The following STK32B variants were observed in gnomAD, a reference collection of about 807,000 sequenced individuals.
STK32B encodes the protein serine/threonine-protein kinase 32B.
STK32B carries 43 observed loss-of-function variants against 52.6 expected under a neutral mutation model. The observed-to-expected ratio is 0.82, with a 90% CI of 0.64 to 1.05. The LOEUF (loss-of-function observed/expected upper bound fraction) is 1.05. Ranked by LOEUF, STK32B falls within the 50% of genes least tolerant of loss-of-function variation. STK32B has a pLI of 0.00. For missense variants in STK32B, 621 were observed against 534.6 expected (o/e 1.16, Z -1.59); for synonymous variants, 238 against 204.3 (o/e 1.17, Z -1.41).
Position 5,294,992 on chromosome 4 carries a change from G to A in STK32B, c.261-36228G>A, listed in dbSNP as rs116973346. 9.1e-3 allele frequency among the ~76,000 whole-genome samples: 1,392 copies of A among 152,238 alleles called. 52 individuals carry two copies. In the East Asian group the frequency reaches 0.11, roughly 12 times the overall value. On this transcript the variant is annotated intron_variant, in intron 3 of 11. Transcript: ENST00000282908. ...GTGTTTTTTAGCATGAAGTGGTGTT[G>A]AATTTTATAGAAGGCCTTTTCTGCA... is the stretch of plus-strand genomic sequence containing the variant.
At chr4:5,123,626 C>T (rs1715190899) in intron 1 of STK32B, among the ~76,000 whole-genome samples, 1 of 152,140 alleles carries the variant, frequency 6.6e-6, no homozygotes, top group African/African-American at 2.4e-5. Context: ...CCCTCTGTGT[C>T]CTCCACGTGG....
intron 4 of STK32B, among the ~76,000 whole-genome samples, chr4:5,334,218 T>C (rs1732471278): frequency 6.6e-6 from 1 of 152,016 alleles, no homozygotes; most frequent in African/African-American, 2.4e-5. Context: ...GATTCCTAGG[T>C]ATTTTATTGT....
intron 2 of STK32B, among the ~76,000 whole-genome samples, chr4:5,145,842 A>G (rs1457938140): frequency 1.3e-5 from 2 of 152,280 alleles, no homozygotes; most frequent in African/African-American, 2.4e-5. Context: ...TTCTATTTCG[A>G]TAAGATCCAA....
chr4:5,333,183 C>A (rs1732393321), intron 4 of STK32B, among the ~76,000 whole-genome samples: 1 of 152,174 alleles, frequency 6.6e-6, no homozygotes, highest in South Asian at 2.1e-4. Flanking sequence ...TTAATGATTG[C>A]CATTCTAACT....
intron 3 of STK32B, among the ~76,000 whole-genome samples, chr4:5,250,648 C>G (rs1353844679): frequency 2.6e-5 from 4 of 152,144 alleles, no homozygotes; most frequent in African/African-American, 9.7e-5. Context: ...AAACTACTTT[C>G]CACAGTGACT....
intron 3 of STK32B, among the ~76,000 whole-genome samples, chr4:5,313,784 CTGTAT>C (rs1730473989): frequency 6.6e-6 from 1 of 152,092 alleles, no homozygotes; most frequent in African/African-American, 2.4e-5. Context: ...AATCACATTT[CTGTAT>C]ACTGACAACG....
chr4:5,438,762 C>T (rs1166314229), intron 6 of STK32B, among the ~76,000 whole-genome samples: 4 of 152,178 alleles, frequency 2.6e-5, no homozygotes, highest in Non-Finnish European at 5.9e-5. Context: ...CTCCCCACAC[C>T]CCACAACAGT....
At chr4:5,224,835 A>C (rs1468554841) in intron 3 of STK32B, among the ~76,000 whole-genome samples, 3 of 152,316 alleles carry the variant, frequency 2.0e-5, no homozygotes, top group Admixed American at 6.5e-5. Flanking sequence ...TTAATTAATA[A>C]TACTTATAGA....
chr4:5,139,691 G>A (rs1716286295), intron 1 of STK32B: 1 of 567,900 alleles, frequency 1.8e-6, no homozygotes, highest in African/African-American at 1.9e-5. Context: ...GGAGTGAAGG[G>A]AAGGCTTCAG....
chr4:5,103,173 T>C (rs954461596), intron 1 of STK32B, among the ~76,000 whole-genome samples: 6 of 151,592 alleles, frequency 4.0e-5, no homozygotes, highest in Non-Finnish European at 8.8e-5. Context: ...TGTAAAAGAT[T>C]TTAAAGAATG....
chr4:5,226,179 C>G (rs1723859875), intron 3 of STK32B, among the ~76,000 whole-genome samples: 1 of 152,156 alleles, frequency 6.6e-6, no homozygotes, highest in Admixed American at 6.5e-5. Context: ...AAATGACATG[C>G]TTTTATGTTC....
intron 4 of STK32B, among the ~76,000 whole-genome samples, chr4:5,363,541 G>A (rs1457731475): frequency 6.6e-6 from 1 of 152,134 alleles, no homozygotes; most frequent in African/African-American, 2.4e-5. Context: ...CAGTTACTAA[G>A]CCTGACATTG....
chr4:5,498,837 G>A (rs1720496204), intron 11 of STK32B, 108 bp from the exon 12 acceptor site: 4 of 1,426,714 alleles, frequency 2.8e-6, no homozygotes, highest in Admixed American at 2.6e-5. Context: ...GGTAGGGGAA[G>A]GTTTGAGCTG....
intron 4 of STK32B, among the ~76,000 whole-genome samples, chr4:5,359,409 C>A (rs375605102): frequency 8.0e-5 from 12 of 150,850 alleles, no homozygotes; most frequent in South Asian, 4.2e-4. Context: ...CCCTCCCTCC[C>A]TCCATCCACC....
chr4:5,198,037 G>A (rs1721829772), intron 3 of STK32B, among the ~76,000 whole-genome samples: 1 of 151,614 alleles, frequency 6.6e-6, no homozygotes, highest in Non-Finnish European at 1.5e-5. Context: ...CAAAATGCTT[G>A]AAATGTGCTA....
At chr4:5,209,198 T>A (rs1319618691) in intron 3 of STK32B, among the ~76,000 whole-genome samples, 1 of 152,168 alleles carries the variant, frequency 6.6e-6, no homozygotes, top group East Asian at 1.9e-4. Context: ...AAGACTTATG[T>A]GTCAGGAAAT....
At chr4:5,310,712 T>A (rs1018167338) in intron 3 of STK32B, among the ~76,000 whole-genome samples, 7 of 152,100 alleles carry the variant, frequency 4.6e-5, no homozygotes, top group African/African-American at 1.4e-4. Context: ...GTAAAAGAAA[T>A]CAATATGCAG....
Position 5,400,693 on chromosome 4 carries a change from G to C in STK32B, c.472+2449G>C, listed in dbSNP as rs1737234857. The stretch of plus-strand genomic sequence containing the variant: ...AAGAAGAGTCTCCTTTCTGGGGAGA[G>C]AAGAGAAAGAGAGAATTCTATGCCC... On this transcript the variant is annotated intron_variant, in intron 5 of 11. Coordinates refer to ENST00000282908, the MANE Select transcript of STK32B (RefSeq NM_018401.3). The surrounding 1 kb of genome is among the most constrained non-coding windows in gnomAD (Gnocchi z 6.1). 6.6e-6 allele frequency among the ~76,000 whole-genome samples: 1 copy of C among 152,188 alleles called. No individual in the cohort carries two copies. Among genetic ancestry groups the C allele is most frequent in the Non-Finnish European group, 1.5e-5 (1 of 68,032 alleles).
intron 4 of STK32B, among the ~76,000 whole-genome samples, chr4:5,346,281 G>A (rs1733451883): frequency 6.6e-6 from 1 of 152,166 alleles, no homozygotes; most frequent in Non-Finnish European, 1.5e-5. Context: ...AGACCTTTTT[G>A]ACAAAGGCTC....
Sources: allele counts gnomAD v4.1 joint callset (sites outside exome capture counted in the v4.1 genomes callset), GRCh38; gene constraint gnomAD v4.1.1; non-coding constraint Gnocchi (gnomAD v3.1); transcripts MANE v1.5; gene names NCBI Gene and HGNC (gene_info 2026-07-23, HGNC 2026-07-21).